Variants in RBM39 observed in about 807,000 individuals in gnomAD.
RBM39 encodes the protein RNA-binding protein 39.
A neutral mutation model predicts 79.6 loss-of-function variants in RBM39; 12 were observed. The observed-to-expected ratio is 0.15, with a 90% CI of 0.10 to 0.24. The LOEUF (loss-of-function observed/expected upper bound fraction) is 0.24, where lower values mean the gene tolerates loss of function less well. RBM39 is among the 10% of genes least tolerant of loss of function. The probability of loss-of-function intolerance (pLI) is 1.00; values close to 1 mark genes in which losing one functional copy is unlikely to be tolerated. For synonymous variants in RBM39, 185 were observed against 208.4 expected (o/e 0.89, Z 0.97); for missense variants, 243 against 653.4 (o/e 0.37, Z 6.85).
chr20:35,727,397 G>T (rs1433236197), intron 6 of RBM39, among the ~76,000 whole-genome samples: 4 of 136,120 alleles, frequency 2.9e-5, no homozygotes, highest in African/African-American at 9.1e-5. Context: ...CTAGCCGGGG[G>T]TCTCAAAAAA....
At position 35,701,988 on chromosome 20, in the gene RBM39, C is replaced by T. The variant is rs1377762889; in HGVS notation, c.*2493G>A. 1 of 152,168 alleles carries T rather than the reference C, an allele frequency of 6.6e-6. No individual in the cohort carries two copies. Among genetic ancestry groups the T allele is most frequent in the African/African-American group, 2.4e-5 (1 of 41,444 alleles). 9.4% of individuals were successfully genotyped at this position (152,168 alleles called of 1,614,324 possible). On this transcript the variant is annotated 3_prime_UTR_variant, in exon 17 of 17. Transcript: ENST00000253363. ...AAAAATAGAAACTTCTGTAGCTTCT[C>T]AACTGGCTAAATTCCAGATGATTTT...
intron 9 of RBM39, among the ~76,000 whole-genome samples, chr20:35,720,587 T>C (rs1198043901): frequency 6.8e-6 from 1 of 147,554 alleles, no homozygotes; most frequent in African/African-American, 2.5e-5. Context: ...TTGGCCAACA[T>C]GGTAAAGCCC....
Position 35,702,872 on chromosome 20 carries a change from GCA to G in RBM39, c.*1607_*1608del, listed in dbSNP as rs2035350499. The G allele has an allele frequency of 6.6e-6, 1 of 152,218 alleles. No individual in the cohort carries two copies. Among genetic ancestry groups the G allele is most frequent in the Non-Finnish European group, 1.5e-5 (1 of 68,074 alleles). 9.4% of individuals were successfully genotyped at this position (152,218 alleles called of 1,614,324 possible). On this transcript the variant is annotated 3_prime_UTR_variant, in exon 17 of 17. Transcript: ENST00000253363. ...GAGATGGAGCTGAGATCACATCACT[GCA>G]CTCCAGCCTGGGCCAAAGAGCAAGA...
intron 6 of RBM39, among the ~76,000 whole-genome samples, 174 bp from the exon 7 acceptor site, chr20:35,725,329 G>A (rs114687808): frequency 0.01 from 1,530 of 152,268 alleles, 29 homozygotes; most frequent in African/African-American, 0.035. Context: ...CACCTGAGCA[G>A]TATATACTGT....
At chr20:35,707,890 G>C in intron 13 of RBM39, 1 of 466,370 alleles carries the variant, frequency 2.1e-6, no homozygotes. Context: ...TTGCTCCAAT[G>C]CTTTCACGTG....
rs2037970048 is a variant in RBM39, at chr20:35,721,785, G to A, written c.780C>T (p.Asn260=). Residue 260 remains asparagine (N), a synonymous_variant, in exon 9 of 17, where the codon AAC becomes AAT. Coordinates refer to ENST00000253363, the MANE Select transcript of RBM39 (RefSeq NM_184234.3). Reference sequence around the variant, plus strand: ...TCCCACGAAGCATATCTTCAGTTATGTTGAAGTGTAATGAGCCCACATAAA... The same window carrying A: ...TCCCACGAAGCATATCTTCAGTTATATTGAAGTGTAATGAGCCCACATAAA... ...MRLYVGSLHF[N]ITEDMLRGIF... 2 of 1,614,128 alleles carry A rather than the reference G, an allele frequency of 1.2e-6. No individual in the cohort carries two copies. Among genetic ancestry groups the A allele is most frequent in the Non-Finnish European group, 1.7e-6 (2 of 1,180,010 alleles).
chr20:35,722,008 C>G, intron 8 of RBM39, 131 bp from the exon 9 acceptor site: 1 of 1,014,424 alleles, frequency 9.9e-7, no homozygotes. Flanking sequence ...TCAGATACTA[C>G]ATATCAACTT....
intron 4 of RBM39, among the ~76,000 whole-genome samples, chr20:35,729,833 T>G (rs1361996686): frequency 1.8e-5 from 1 of 54,054 alleles, no homozygotes; most frequent in Non-Finnish European, 4.5e-5. Flanking sequence ...ATATATACAG[T>G]CTTGAGAATT....
intron 4 of RBM39, among the ~76,000 whole-genome samples, chr20:35,730,506 G>T (rs1433741728): frequency 6.6e-6 from 1 of 152,082 alleles, no homozygotes; most frequent in South Asian, 2.1e-4. Flanking sequence ...TGATGACTGA[G>T]AATCATTTAC....
intron 3 of RBM39, chr20:35,734,328 G>T: frequency 2.3e-6 from 2 of 855,214 alleles, no homozygotes; most frequent in Admixed American, 4.8e-5. Flanking sequence ...AGAAAATTAG[G>T]CTACACTCAT....
chr20:35,720,690 G>C (rs1438903557), intron 9 of RBM39, among the ~76,000 whole-genome samples: 1 of 152,080 alleles, frequency 6.6e-6, no homozygotes, highest in Non-Finnish European at 1.5e-5. Context: ...AGAATCGCTT[G>C]AACACAGAGA....
At chr20:35,722,649 G>C (rs556701929) in intron 8 of RBM39, among the ~76,000 whole-genome samples, 1 of 151,530 alleles carries the variant, frequency 6.6e-6, no homozygotes, top group South Asian at 2.1e-4. Context: ...AAGTAAGCAG[G>C]CTGGCCGGGT....
At chr20:35,728,070 A>G (rs764978047) in intron 6 of RBM39, among the ~76,000 whole-genome samples, 6 of 152,192 alleles carry the variant, frequency 3.9e-5, no homozygotes, top group Non-Finnish European at 8.8e-5. Flanking sequence ...TACCCGCGTG[A>G]GCCACCGGGC....
intron 4 of RBM39, among the ~76,000 whole-genome samples, chr20:35,730,783 CAG>C (rs1207519131): frequency 4.6e-5 from 7 of 151,952 alleles, no homozygotes; most frequent in Non-Finnish European, 8.8e-5. Flanking sequence ...GGGACAAAAG[CAG>C]AGAAGTTCCT....
intron 9 of RBM39, among the ~76,000 whole-genome samples, chr20:35,717,720 TG>T (rs1368682649): frequency 6.6e-6 from 1 of 152,186 alleles, no homozygotes; most frequent in Non-Finnish European, 1.5e-5. Context: ...CCAGGTGGGT[TG>T]GCTCAGGTCT....
chr20:35,702,177 C>T lies in RBM39; in HGVS notation c.*2304G>A, dbSNP rs201920034. The T allele has an allele frequency of 6.6e-6, 1 of 152,148 alleles. No individual in the cohort carries two copies. Among genetic ancestry groups the T allele is most frequent in the East Asian group, 1.9e-4 (1 of 5,196 alleles). The allele number at this position is 152,148 out of a possible 1,614,324, so 9.4% of individuals were successfully genotyped here. The stretch of plus-strand genomic sequence containing the variant: ...CCCATTAAGCATTTCTTAAACAGAA[C>T]TTTCAAAGATGGTAGTAATTATTAT... On this transcript the variant is annotated 3_prime_UTR_variant, in exon 17 of 17. Transcript: ENST00000253363.
rs183994787 is a variant in RBM39 at position 35,739,046 on chromosome 20, G to A, written c.52-29C>T. ...AGCAGGGTTGATAGAAGAACATCAT[G>A]AGGACGAAGTGGTAACATTTCAAGT... On this transcript the variant is annotated intron_variant, in intron 2 of 16. Transcript: ENST00000253363. 13 of 1,574,336 alleles carry A rather than the reference G, an allele frequency of 8.3e-6. No homozygotes were observed. The African/African-American group carries it at 1.6e-4, about 20-fold the overall frequency.
At chr20:35,708,764 G>A (rs184083688) in intron 13 of RBM39, 91 of 156,164 alleles carry the variant, frequency 5.8e-4, no homozygotes, top group Non-Finnish European at 1.1e-3. Flanking sequence ...TTATTGCTTG[G>A]TACTGGCTTA....
intron 8 of RBM39, among the ~76,000 whole-genome samples, chr20:35,722,249 T>C (rs1199361665): frequency 2.0e-5 from 3 of 151,168 alleles, no homozygotes; most frequent in South Asian, 2.1e-4. Context: ...CTACCAAATA[T>C]AGAAAAAATT....
Sources: allele counts gnomAD v4.1 joint callset (sites outside exome capture counted in the v4.1 genomes callset), GRCh38; gene constraint gnomAD v4.1.1; transcripts MANE v1.5; gene names NCBI Gene and HGNC (gene_info 2026-07-23, HGNC 2026-07-21).